Variants in KRABD3 observed in about 807,000 individuals in gnomAD.
KRABD3 encodes KRAB domain containing 3.
chr7:149,726,071 C>A, the KRABD3 span: 4 of 1,604,128 alleles, frequency 2.5e-6, no homozygotes, highest in South Asian at 1.1e-5. Context: ...GTGAGCTGGG[C>A]CAGCCCGAGG....
At chr7:149,717,601 G>A in the KRABD3 span, among the ~76,000 whole-genome samples, 1 of 152,216 alleles carries the variant, frequency 6.6e-6, no homozygotes, top group Non-Finnish European at 1.5e-5. Flanking sequence ...ATCGAGGCAG[G>A]AGGCAAAGGC....
chr7:149,733,612 G>A, the KRABD3 span: 1 of 1,594,650 alleles, frequency 6.3e-7, no homozygotes, highest in South Asian at 1.1e-5. Flanking sequence ...CTAAACCAAA[G>A]ATCCTGCGTG....
chr7:149,720,071 G>A, the KRABD3 span: 765 of 1,553,546 alleles, frequency 4.9e-4, 3 homozygotes, highest in African/African-American at 9.8e-3. Context: ...AGAGCTGTTG[G>A]GGGAGGGAGC....
chr7:149,729,661 G>GT, the KRABD3 span: 1 of 985,336 alleles, frequency 1.0e-6, no homozygotes, highest in Non-Finnish European at 1.2e-6. Flanking sequence ...CTGCTGCTTG[G>GT]TTTAACTTCC....
chr7:149,718,103 C>A, the KRABD3 span, among the ~76,000 whole-genome samples: 1 of 151,998 alleles, frequency 6.6e-6, no homozygotes, highest in African/African-American at 2.4e-5. Context: ...CAGCCTGGGA[C>A]AGTTTTTAGA....
chr7:149,721,015 A>G, the KRABD3 span: 50 of 1,611,434 alleles, frequency 3.1e-5, no homozygotes, highest in Non-Finnish European at 3.9e-5. Flanking sequence ...GGGGCAGTGC[A>G]CGCAGCCTCC....
At chr7:149,729,801 C>T in the KRABD3 span, 1 of 985,394 alleles carries the variant, frequency 1.0e-6, no homozygotes, top group Non-Finnish European at 1.2e-6. Context: ...CTGCTGGCCC[C>T]TGTGAGATAC....
At chr7:149,715,374 C>A in the KRABD3 span, 1 of 1,160,090 alleles carries the variant, frequency 8.6e-7, no homozygotes. Flanking sequence ...TACTTCTGTT[C>A]TTGGTGGAAT....
At chr7:149,728,780 C>T in the KRABD3 span, 1 of 1,299,162 alleles carries the variant, frequency 7.7e-7, no homozygotes, top group African/African-American at 1.5e-5. Context: ...ACATGGTGCT[C>T]TGGAAACAGA....
At chr7:149,729,522 T>C in the KRABD3 span, 2 of 985,462 alleles carry the variant, frequency 2.0e-6, no homozygotes, top group Non-Finnish European at 2.4e-6. Context: ...AAACTGAGGT[T>C]CGCTAAACAA....
the KRABD3 span, among the ~76,000 whole-genome samples, chr7:149,724,118 C>T: frequency 1.5e-3 from 230 of 152,212 alleles, no homozygotes; most frequent in South Asian, 5.6e-3. Flanking sequence ...AGGAGCTGGA[C>T]ATTCTGAAAG....
chr7:149,730,419 T>C, the KRABD3 span: 1 of 1,581,938 alleles, frequency 6.3e-7, no homozygotes, highest in Non-Finnish European at 8.6e-7. Context: ...GCTTTGTTTG[T>C]GACGTTAGAG....
chr7:149,725,613 C>A, the KRABD3 span: 1 of 1,070,426 alleles, frequency 9.3e-7, no homozygotes, highest in Non-Finnish European at 1.3e-6. Flanking sequence ...CCCCAGGCTG[C>A]CTTTCATACT....
the KRABD3 span, chr7:149,721,596 C>T: frequency 2.6e-6 from 4 of 1,555,238 alleles, no homozygotes; most frequent in African/African-American, 2.7e-5. Context: ...ATCGTGGCGT[C>T]AGAGGACCTG....
At chr7:149,726,048 C>T in the KRABD3 span, 1 of 1,611,606 alleles carries the variant, frequency 6.2e-7, no homozygotes, top group Non-Finnish European at 8.5e-7. Context: ...CCAGGGGCAG[C>T]ATCCTGGAAA....
the KRABD3 span, chr7:149,721,972 T>G: frequency 8.1e-6 from 3 of 368,504 alleles, no homozygotes; most frequent in Non-Finnish European, 1.6e-5. Context: ...CTCACAAATT[T>G]TGCATGTCTG....
At chr7:149,726,939 C>G in the KRABD3 span, among the ~76,000 whole-genome samples, 2 of 152,098 alleles carry the variant, frequency 1.3e-5, no homozygotes, top group Non-Finnish European at 2.9e-5. Context: ...TTCCTTTTTG[C>G]ATTGAATTCC....
the KRABD3 span, chr7:149,730,392 T>G: frequency 6.4e-7 from 1 of 1,564,682 alleles, no homozygotes; most frequent in Non-Finnish European, 8.7e-7. Context: ...AGGGCGCCAG[T>G]CACCACTCTG....
the KRABD3 span, chr7:149,722,593 AGT>A: frequency 9.5e-6 from 15 of 1,586,686 alleles, no homozygotes; most frequent in Middle Eastern, 2.1e-4. Context: ...GCGATGGGGA[AGT>A]GTGTTTAGTT....
Sources: allele counts gnomAD v4.1 joint callset (sites outside exome capture counted in the v4.1 genomes callset), GRCh38; gene constraint gnomAD v4.1.1; transcripts MANE v1.5; gene names NCBI Gene and HGNC (gene_info 2026-07-23, HGNC 2026-07-21).